Variants in SORCS2 observed in about 807,000 individuals in gnomAD.
SORCS2 encodes the protein VPS10 domain-containing receptor SorCS2.
Under a neutral mutation model 141.6 loss-of-function variants are expected in SORCS2, and 100 were observed. The observed-to-expected ratio is 0.71, with a 90% CI of 0.60 to 0.83. The LOEUF (loss-of-function observed/expected upper bound fraction) is 0.83, where lower values mean the gene tolerates loss of function less well. Ranked by LOEUF, SORCS2 falls within the 40% of genes least tolerant of loss-of-function variation. The pLI is 0.00. For missense variants in SORCS2, 1,646 were observed against 1,560.2 expected (o/e 1.05, Z -0.93); for synonymous variants, 789 against 676.9 (o/e 1.17, Z -2.57).
chr4:7,589,343 T>C (rs968768410), intron 3 of SORCS2, among the ~76,000 whole-genome samples: 2 of 152,138 alleles, frequency 1.3e-5, no homozygotes, highest in South Asian at 4.1e-4. Context: ...ACAGCAGCAG[T>C]AGTGAGAATA....
intron 1 of SORCS2, among the ~76,000 whole-genome samples, chr4:7,267,577 T>C (rs906182997): frequency 6.6e-6 from 1 of 152,190 alleles, no homozygotes; most frequent in African/African-American, 2.4e-5. Flanking sequence ...ATGTCTGTAG[T>C]CCCAGCACTT....
At chr4:7,641,777 A>AATGGATGGATGG (rs56032853) in intron 4 of SORCS2, among the ~76,000 whole-genome samples, 234 of 79,054 alleles carry the variant, frequency 3.0e-3, no homozygotes, top group Middle Eastern at 6.8e-3. Context: ...TGGATGGATA[A>AATGGATGGATGG]ATGGATGGAT....
At chr4:7,588,885 C>T (rs1214613559) in intron 3 of SORCS2, among the ~76,000 whole-genome samples, 1 of 152,224 alleles carries the variant, frequency 6.6e-6, no homozygotes, top group African/African-American at 2.4e-5. Flanking sequence ...TTTCTAAGCA[C>T]AGAGCAGGTG....
rs566636684 is a variant in SORCS2, at chr4:7,705,666, T to A, written c.1868+1382T>A. On this transcript the variant is annotated intron_variant, in intron 14 of 26. Coordinates refer to ENST00000507866, the MANE Select transcript of SORCS2 (RefSeq NM_020777.3). The stretch of plus-strand genomic sequence containing the variant: ...GTGGATCTATGGACTGGGACTACAC[T>A]CTGGCTGGGTTCAGCAGGAAGTGCT... Among the ~76,000 whole-genome samples, 5 of 152,340 alleles carry A rather than the reference T, an allele frequency of 3.3e-5. No individual in the cohort carries two copies. In the East Asian group the frequency reaches 9.7e-4, roughly 29 times the overall value.
intron 2 of SORCS2, among the ~76,000 whole-genome samples, chr4:7,523,991 C>G (rs931239982): frequency 3.9e-5 from 6 of 152,194 alleles, no homozygotes; most frequent in Non-Finnish European, 5.9e-5. Flanking sequence ...AAACCAGGAG[C>G]TCCCCAGGGG....
At chr4:7,505,091 T>C (rs986775373) in intron 2 of SORCS2, among the ~76,000 whole-genome samples, 1 of 152,162 alleles carries the variant, frequency 6.6e-6, no homozygotes, top group Non-Finnish European at 1.5e-5. Context: ...GTGCAGCCCA[T>C]GGTGGAACGG....
intron 2 of SORCS2, among the ~76,000 whole-genome samples, chr4:7,420,597 G>T (rs1430923446): frequency 2.0e-5 from 3 of 152,148 alleles, no homozygotes; most frequent in African/African-American, 7.2e-5. Flanking sequence ...ATGGAAGGAA[G>T]TCTGGTGTCA....
intron 2 of SORCS2, among the ~76,000 whole-genome samples, chr4:7,414,318 C>T (rs947835572): frequency 1.2e-4 from 18 of 152,088 alleles, no homozygotes; most frequent in African/African-American, 4.3e-4. Context: ...CCCGGGCATG[C>T]TGGGATAGGT....
At chr4:7,460,322 G>T (rs1442720479) in intron 2 of SORCS2, among the ~76,000 whole-genome samples, 1 of 152,202 alleles carries the variant, frequency 6.6e-6, no homozygotes, top group Non-Finnish European at 1.5e-5. Flanking sequence ...GCCCACCTGG[G>T]CACTAACCAG....
intron 3 of SORCS2, among the ~76,000 whole-genome samples, chr4:7,570,034 A>G (rs4234827): frequency 0.98 from 148,996 of 152,240 alleles, 72,989 homozygotes; most frequent in East Asian, 1. Flanking sequence ...AGGGGAGGAG[A>G]TGCAATCCAC....
intron 2 of SORCS2, among the ~76,000 whole-genome samples, chr4:7,414,673 T>C (rs1343138281): frequency 6.6e-6 from 1 of 152,130 alleles, no homozygotes; most frequent in Non-Finnish European, 1.5e-5. Context: ...ATCAAAATGG[T>C]TACAGAGTGA....
chr4:7,676,655 C>T (rs889341699), intron 9 of SORCS2, among the ~76,000 whole-genome samples: 6 of 151,740 alleles, frequency 4.0e-5, no homozygotes, highest in African/African-American at 1.5e-4. Context: ...CTCCCTCTCT[C>T]TCTCTACCCC....
In SORCS2 at chr4:7,192,593, G is replaced by C; in HGVS notation, c.-54G>C. On this transcript the variant is annotated 5_prime_UTR_variant, in exon 1 of 27. Coordinates refer to ENST00000507866, the MANE Select transcript of SORCS2 (RefSeq NM_020777.3). The surrounding 1 kb of genome is among the most constrained non-coding windows in gnomAD (Gnocchi z 4.0). ...AGCGCCCTCCTGCTCTCCCGGCCGC[G>C]GTCCCCTCGTCCGCGCCGCCCCGCC... is the stretch of plus-strand genomic sequence containing the variant. The C allele has an allele frequency of 1.0e-6, 1 of 987,152 alleles. No homozygotes were observed. The highest frequency in any genetic ancestry group is 1.2e-6 in the Non-Finnish European group (1 of 831,586). 61.1% of individuals were successfully genotyped at this position (987,152 alleles called of 1,614,324 possible). A position where few individuals can be genotyped will look rare whatever the true frequency, so the allele number is the denominator to read the frequency against.
intron 1 of SORCS2, among the ~76,000 whole-genome samples, chr4:7,377,749 G>A (rs1265604972): frequency 6.6e-6 from 1 of 152,168 alleles, no homozygotes; most frequent in African/African-American, 2.4e-5. Context: ...TTTACATGGG[G>A]AGCCTGATTT....
In SORCS2 at chr4:7,712,715, C is replaced by T. The variant is rs781539310; in HGVS notation, c.1869-18C>T. On this transcript the variant is annotated intron_variant, in intron 14 of 26. Coordinates refer to ENST00000507866, the MANE Select transcript of SORCS2 (RefSeq NM_020777.3). ...ATGAAGGTGGTTTTCTCTCCCTTCCCTCCTCTTCCCACCCCAGGGTCTTTG... is the reference window on the plus strand; with the variant it reads ...ATGAAGGTGGTTTTCTCTCCCTTCCTTCCTCTTCCCACCCCAGGGTCTTTG... 3 of 1,613,868 alleles carry T rather than the reference C, an allele frequency of 1.9e-6. No individual in the cohort carries two copies. The highest frequency in any genetic ancestry group is 4.5e-5 in the East Asian group (2 of 44,876).
intron 1 of SORCS2, among the ~76,000 whole-genome samples, chr4:7,370,184 C>T (rs1199594252): frequency 6.6e-6 from 1 of 152,146 alleles, no homozygotes; most frequent in African/African-American, 2.4e-5. Context: ...AGACTGTGCC[C>T]AGAGAGGGCA....
At chr4:7,725,095 C>A in intron 19 of SORCS2, 59 bp from the exon 20 acceptor site, 1 of 1,558,972 alleles carries the variant, frequency 6.4e-7, no homozygotes, top group Non-Finnish European at 8.7e-7. Flanking sequence ...CACTAAGCAG[C>A]CTCTGAAATG....
intron 3 of SORCS2, among the ~76,000 whole-genome samples, chr4:7,591,405 A>AC (rs1246658716): frequency 6.6e-6 from 1 of 151,958 alleles, no homozygotes; most frequent in African/African-American, 2.4e-5. Flanking sequence ...GCCTGGTGCT[A>AC]CCCCCTGCGA....
chr4:7,286,560 C>T lies in SORCS2; in HGVS notation c.480+93434C>T, dbSNP rs887985833. The stretch of plus-strand genomic sequence containing the variant: ...ACTGGAGCTGGGGTCGGTCCCAGGA[C>T]CAGAAGGGACATGGTCCCATTCGGT... On this transcript the variant is annotated intron_variant, in intron 1 of 26. Transcript: ENST00000507866. This position sits in a 1 kb window ranked among gnomAD's most constrained non-coding sequence, Gnocchi z 4.1. Among the ~76,000 whole-genome samples, 2 of 152,160 alleles carry T rather than the reference C, an allele frequency of 1.3e-5. No homozygotes were observed. Among genetic ancestry groups the T allele is most frequent in the African/African-American group, 4.8e-5 (2 of 41,434 alleles).
Sources: allele counts gnomAD v4.1 joint callset (sites outside exome capture counted in the v4.1 genomes callset), GRCh38; gene constraint gnomAD v4.1.1; non-coding constraint Gnocchi (gnomAD v3.1); transcripts MANE v1.5; gene names NCBI Gene and HGNC (gene_info 2026-07-23, HGNC 2026-07-21).